Variants in POLN observed in about 807,000 individuals in gnomAD.
POLN encodes DNA polymerase N.
Under a neutral mutation model 113.5 loss-of-function variants are expected in POLN, and 108 were observed. That is an observed-to-expected ratio of 0.95 (90% confidence interval 0.81 to 1.12). POLN has a LOEUF of 1.12. Ranked by LOEUF, POLN falls within the 50% of genes most tolerant of loss-of-function variation. The pLI, the probability that POLN is intolerant of heterozygous loss-of-function variation, is 0.00. For missense variants in POLN, 1,097 were observed against 1,077.1 expected, an observed-to-expected ratio of 1.02 and a Z score of -0.26; for synonymous variants, 386 against 391.5, an observed-to-expected ratio of 0.99 and a Z score of 0.17.
Position 2,229,201 on chromosome 4 carries a change from C to T in POLN, c.31G>A (p.Asp11Asn), listed in dbSNP as rs756382662. 16 of 1,606,882 alleles carry T rather than the reference C, an allele frequency of 1.0e-5. No homozygotes were observed. The African/African-American group carries it at 1.2e-4, about 12-fold the overall frequency. Residue 11 changes from aspartate to asparagine, a missense_variant, in exon 3 of 26, where the codon GAT (aspartate) becomes AAT (asparagine). Coordinates refer to ENST00000511885, the MANE Select transcript of POLN (RefSeq NM_181808.4). Reference protein sequence around the residue: MENYEALVGFDLCNTPLSSVA... With the variant: MENYEALVGFNLCNTPLSSVA... ...CTGGAGAGCGGTGTATTACAGAGAT[C>T]AAAGCCTACCAATGCCTCATAATTT... is the stretch of plus-strand genomic sequence containing the variant.
At chr4:2,140,950 T>G (rs939584019) in intron 16 of POLN, 3 of 152,326 alleles carry the variant, frequency 2.0e-5, no homozygotes, top group African/African-American at 7.2e-5. Flanking sequence ...TGAGACGCAC[T>G]TCTTCATCCT....
chr4:2,207,448 A>AT (rs143425650), intron 5 of POLN, among the ~76,000 whole-genome samples: 57 of 152,146 alleles, frequency 3.7e-4, no homozygotes, highest in African/African-American at 1.2e-3. Flanking sequence ...ACCCTCAATA[A>AT]TTTTTTTTAA....
chr4:2,140,043 C>T (rs972057311), intron 16 of POLN: 5 of 151,770 alleles, frequency 3.3e-5, no homozygotes, highest in African/African-American at 1.2e-4. Flanking sequence ...ATAGCTCTTT[C>T]ACCTTTTGTT....
At position 2,098,636 on chromosome 4, in the gene POLN, T is replaced by C. The variant is rs3135058; in HGVS notation, c.1983-2703A>G. 3.9e-5 allele frequency among the ~76,000 whole-genome samples: 6 copies of C among 152,068 alleles called. No individual in the cohort carries two copies. In the East Asian group the frequency reaches 7.7e-4, roughly 20 times the overall value. On this transcript the variant is annotated intron_variant, in intron 19 of 25. Transcript: ENST00000511885. ...CTCCATGTTGATGCACATGGTTACA[T>C]AGAGAAATATCTAAAGATGTGTGTA...
In POLN at chr4:2,127,343, A is replaced by G. The variant is rs1401705511; in HGVS notation, c.1982+770T>C. On this transcript the variant is annotated intron_variant, in intron 19 of 25. Coordinates refer to ENST00000511885, the MANE Select transcript of POLN (RefSeq NM_181808.4). This position sits in a 1 kb window ranked among gnomAD's most constrained non-coding sequence, Gnocchi z 4.7. ...GCCCGGTGAACACCTGTGATGTATA[A>G]GCCAAACACAATAATCCACTCCTCC... Among the ~76,000 whole-genome samples, 1 of 152,104 alleles carries G rather than the reference A, an allele frequency of 6.6e-6. No homozygotes were observed. Among genetic ancestry groups the G allele is most frequent in the African/African-American group, 2.4e-5 (1 of 41,420 alleles).
intron 16 of POLN, 147 bp downstream of exon 16, chr4:2,156,641 C>T (rs1732441178): frequency 2.8e-6 from 2 of 703,366 alleles, no homozygotes; most frequent in South Asian, 3.1e-5. Flanking sequence ...GCTATGTTCT[C>T]AGAATAAACA....
chr4:2,080,939 G>A lies in POLN; in HGVS notation c.2387+19C>T. 1 of 1,613,826 alleles carries A rather than the reference G, an allele frequency of 6.2e-7. No individual in the cohort carries two copies. The highest frequency in any genetic ancestry group is 8.5e-7 in the Non-Finnish European group (1 of 1,179,946). On this transcript the variant is annotated intron_variant, in intron 23 of 25. Transcript: ENST00000511885. ...ACTAACCCTCCCATCCAAGCCCTGG[G>A]AGACCACCACCCACTGACCTGGCCG...
At chr4:2,182,012 A>G (rs1336394388) in intron 7 of POLN, among the ~76,000 whole-genome samples, 2 of 152,076 alleles carry the variant, frequency 1.3e-5, no homozygotes, top group African/African-American at 4.8e-5. Flanking sequence ...AAAAAAAAAA[A>G]AAGATGACTT....
chr4:2,226,755 G>A (rs867321501), intron 3 of POLN, among the ~76,000 whole-genome samples: 2 of 152,222 alleles, frequency 1.3e-5, no homozygotes, highest in Middle Eastern at 3.4e-3. Context: ...GTAAATATGT[G>A]TAGTTTATTT....
intron 19 of POLN, among the ~76,000 whole-genome samples, chr4:2,104,873 C>G (rs1731014384): frequency 6.6e-6 from 1 of 152,220 alleles, no homozygotes; most frequent in African/African-American, 2.4e-5. Flanking sequence ...GTTGCTGTCA[C>G]TCACCCTCCA....
intron 2 of POLN, 59 bp from the exon 3 acceptor site, chr4:2,229,302 G>T: frequency 7.6e-7 from 1 of 1,314,534 alleles, no homozygotes; most frequent in Non-Finnish European, 1.0e-6. Flanking sequence ...CTATAAAACA[G>T]GAAATACAAT....
At chr4:2,239,126 G>A in intron 2 of POLN, 3 of 683,988 alleles carry the variant, frequency 4.4e-6, no homozygotes, top group Non-Finnish European at 6.8e-6. Context: ...TTCCACTTTA[G>A]GTGACCAGAT....
At chr4:2,191,881 G>A (rs943907095) in intron 7 of POLN, among the ~76,000 whole-genome samples, 5 of 152,014 alleles carry the variant, frequency 3.3e-5, no homozygotes, top group South Asian at 2.1e-4. Flanking sequence ...TTGGGAGGCC[G>A]AGGCGGGGAG....
intron 7 of POLN, among the ~76,000 whole-genome samples, chr4:2,192,371 G>C (rs1200912380): frequency 2.6e-5 from 4 of 151,830 alleles, no homozygotes; most frequent in Admixed American, 6.6e-5. Context: ...TTTCTCCTGA[G>C]ACGGAATCTC....
At chr4:2,113,166 C>T (rs906978294) in intron 19 of POLN, among the ~76,000 whole-genome samples, 12 of 139,488 alleles carry the variant, frequency 8.6e-5, no homozygotes, top group African/African-American at 3.3e-4. Context: ...TGTTCTCACT[C>T]ATAGGTGGGA....
intron 2 of POLN, chr4:2,239,087 T>G: frequency 9.7e-7 from 1 of 1,032,184 alleles, no homozygotes. Flanking sequence ...TATGCCTAAA[T>G]TTGAAATCAT....
At chr4:2,089,948 G>T in intron 20 of POLN, 1 of 978,136 alleles carries the variant, frequency 1.0e-6, no homozygotes, top group Non-Finnish European at 1.6e-6. Context: ...GCTAGTGAAA[G>T]TTCTTTTGTT....
chr4:2,136,569 G>C (rs1474582393), intron 16 of POLN, among the ~76,000 whole-genome samples: 1 of 152,254 alleles, frequency 6.6e-6, no homozygotes, highest in African/African-American at 2.4e-5. Flanking sequence ...TTAACATTCA[G>C]TGAAAGGCAA....
Position 2,099,176 on chromosome 4 carries a change from C to T in POLN, c.1983-3243G>A, listed in dbSNP as rs559468595. ...AATCCAAATAATGTATATAGATACC[C>T]TGTTCTTAAGAAGACAAAGGGTAAC... On this transcript the variant is annotated intron_variant, in intron 19 of 25. Transcript: ENST00000511885. Among the ~76,000 whole-genome samples the T allele has an allele frequency of 9.7e-4, 148 of 152,344 alleles. 3 individuals are homozygous for T. The highest frequency in any genetic ancestry group is 3.4e-3 in the Middle Eastern group (1 of 294).
Sources: allele counts gnomAD v4.1 joint callset (sites outside exome capture counted in the v4.1 genomes callset), GRCh38; gene constraint gnomAD v4.1.1; non-coding constraint Gnocchi (gnomAD v3.1); transcripts MANE v1.5; gene names NCBI Gene and HGNC (gene_info 2026-07-23, HGNC 2026-07-21).